The following PCDHGB2 variants were observed in gnomAD, a reference collection of about 807,000 sequenced individuals.
The protein encoded by PCDHGB2 is protocadherin gamma-B2.
In PCDHGB2, 55 loss-of-function variants were observed where a neutral mutation model predicts 59.3. The observed-to-expected ratio is 0.93, with a 90% CI of 0.75 to 1.16. The LOEUF (loss-of-function observed/expected upper bound fraction) is 1.16. PCDHGB2 is among the 50% of genes most tolerant of loss of function. The pLI, the probability that PCDHGB2 is intolerant of heterozygous loss-of-function variation, is 0.00. For missense variants in PCDHGB2, 1,228 were observed against 1,198.5 expected (o/e 1.02, Z -0.36); for synonymous variants, 516 against 512.0 (o/e 1.01, Z -0.11).
At chr5:141,504,643 G>A (rs1049421626) in intron 2 of PCDHGB2, among the ~76,000 whole-genome samples, 3 of 124,276 alleles carry the variant, frequency 2.4e-5, no homozygotes, top group African/African-American at 9.0e-5. Flanking sequence ...AAGGTTTGAT[G>A]ATAGAGTGTT....
chr5:141,369,925 G>C (rs376465013), intron 1 of PCDHGB2, among the ~76,000 whole-genome samples: 2 of 152,186 alleles, frequency 1.3e-5, no homozygotes, highest in African/African-American at 2.4e-5. Flanking sequence ...AACTAAAAAC[G>C]TGACGGGATT....
rs1317111249 is a variant in PCDHGB2, at chr5:141,413,333, C to A, written c.2421+50777C>A. 3.1e-6 allele frequency: 5 copies of A among 1,613,966 alleles called. No individual in the cohort carries two copies. The Admixed American group carries it at 6.7e-5, about 22-fold the overall frequency. On this transcript the variant is annotated intron_variant, in intron 1 of 3. Coordinates refer to ENST00000522605, the MANE Select transcript of PCDHGB2 (RefSeq NM_018923.3). ...AAAGGCTCTTTCGTGGGCAACATCTCCAAGGACTTGGGTCTGGCGCCCCGG... is the reference window on the plus strand; with the variant it reads ...AAAGGCTCTTTCGTGGGCAACATCTACAAGGACTTGGGTCTGGCGCCCCGG...
rs2099402935 is a variant in PCDHGB2, at chr5:141,476,991, G to A, written c.2422-17816G>A. On this transcript the variant is annotated intron_variant, in intron 1 of 3. Transcript: ENST00000522605. The surrounding 1 kb of genome is among the most constrained non-coding windows in gnomAD (Gnocchi z 7.6). ...GGCAGCCACAACCGCGCCGGCGTGC[G>A]GCAACTATTCGCCTTAGACCTTGTA... 4 of 1,614,094 alleles carry A rather than the reference G, an allele frequency of 2.5e-6. No homozygotes were observed. Among genetic ancestry groups the A allele is most frequent in the Non-Finnish European group, 3.4e-6 (4 of 1,180,056 alleles).
intron 1 of PCDHGB2, among the ~76,000 whole-genome samples, chr5:141,386,678 G>A (rs1376452903): frequency 6.6e-6 from 1 of 152,012 alleles, no homozygotes; most frequent in African/African-American, 2.4e-5. Flanking sequence ...CATTTCAGAT[G>A]TACAATCACT....
chr5:141,362,408 C>T lies in PCDHGB2; in HGVS notation c.2273C>T (p.Ser758Leu), dbSNP rs756452261. ...TATTCCTACAACCTGTGTGTTGCCT[C>T]ACAATCAGCCAAGACAGAGTTCAAT... ...LPYSYNLCVA[S>L]QSAKTEFNFL... The change falls in exon 1 of 4, where the codon TCA (serine) becomes TTA (leucine). Residue 758 changes from serine to leucine, a missense_variant. This residue lies in a region of PCDHGB2 where 433 missense variants were observed against 441.8 expected (regional missense o/e 0.98). Transcript: ENST00000522605. The T allele has an allele frequency of 1.2e-4, 193 of 1,613,924 alleles. 1 individual carries two copies. The Admixed American group carries it at 3.2e-3, about 27-fold the overall frequency.
Position 141,418,952 on chromosome 5 carries a change from G to C in PCDHGB2, c.2421+56396G>C, listed in dbSNP as rs1377467334. On this transcript the variant is annotated intron_variant, in intron 1 of 3. Coordinates refer to ENST00000522605, the MANE Select transcript of PCDHGB2 (RefSeq NM_018923.3). ...TATGGAGGATTCCCCTCCAGGAGTG[G>C]TTGTTGCCCTCTTCAAAACACGGGA... 4.3e-6 allele frequency: 7 copies of C among 1,613,932 alleles called. No individual in the cohort carries two copies. Among genetic ancestry groups the C allele is most frequent in the Non-Finnish European group, 5.9e-6 (7 of 1,179,908 alleles).
rs758172625 is a variant in PCDHGB2 at position 141,365,486 on chromosome 5, A to G, written c.2421+2930A>G. The G allele has an allele frequency of 3.7e-6, 6 of 1,613,992 alleles. No individual in the cohort carries two copies. The East Asian group carries it at 8.9e-5, about 24-fold the overall frequency. On this transcript the variant is annotated intron_variant, in intron 1 of 3. Coordinates refer to ENST00000522605, the MANE Select transcript of PCDHGB2 (RefSeq NM_018923.3). ...AGAAAATGGTGAGATTGCATGCTCT[A>G]TTCCTAGGAATTTGCCTTTTAAATT...
In PCDHGB2 at chr5:141,431,357, C is replaced by G. The variant is rs762220618; in HGVS notation, c.2422-63450C>G. 1.9e-5 allele frequency: 31 copies of G among 1,613,926 alleles called. No homozygotes were observed. Among genetic ancestry groups the G allele is most frequent in the Non-Finnish European group, 2.2e-5 (26 of 1,180,046 alleles). On this transcript the variant is annotated intron_variant, in intron 1 of 3. Coordinates refer to ENST00000522605, the MANE Select transcript of PCDHGB2 (RefSeq NM_018923.3). The surrounding 1 kb of genome is among the most constrained non-coding windows in gnomAD (Gnocchi z 4.8). ...CCCCGAATTGGTGCTGAAACGCGCC[C>G]TGGACCGCGAAGAAAAGGCTGCTCA...
intron 1 of PCDHGB2, chr5:141,430,951 C>T (rs200771871): frequency 3.2e-5 from 51 of 1,610,496 alleles, no homozygotes; most frequent in African/African-American, 1.5e-4. Context: ...AGCGCGGAGT[C>T]CGCATCATCC....
Position 141,400,219 on chromosome 5 carries a change from C to T in PCDHGB2, c.2421+37663C>T, listed in dbSNP as rs1200450595. On this transcript the variant is annotated intron_variant, in intron 1 of 3. Coordinates refer to ENST00000522605, the MANE Select transcript of PCDHGB2 (RefSeq NM_018923.3). ...GGTGGCCTTGGCCTTGATCTCAGTG[C>T]TCTTCCTCCTGGCCGTGATTCTGGC... The T allele has an allele frequency of 1.9e-6, 3 of 1,613,934 alleles. No homozygotes were observed. Among genetic ancestry groups the T allele is most frequent in the African/African-American group, 1.3e-5 (1 of 74,930 alleles).
chr5:141,399,311 A>G, intron 1 of PCDHGB2: 1 of 1,613,970 alleles, frequency 6.2e-7, no homozygotes, highest in Non-Finnish European at 8.5e-7. Flanking sequence ...TCTTCATCCA[A>G]AAATTCGTAT....
chr5:141,418,105 G>A lies in PCDHGB2; in HGVS notation c.2421+55549G>A, dbSNP rs971913143. On this transcript the variant is annotated intron_variant, in intron 1 of 3. Transcript: ENST00000522605. ...ACTTCAGCGTAGACGCGCAGAGCGG[G>A]GACTTACTTGTGAAGGACCGAATAG... 5 of 1,614,062 alleles carry A rather than the reference G, an allele frequency of 3.1e-6. No homozygotes were observed. The East Asian group carries it at 8.9e-5, about 29-fold the overall frequency.
intron 1 of PCDHGB2, among the ~76,000 whole-genome samples, chr5:141,452,401 G>C (rs2098740635): frequency 6.6e-6 from 1 of 152,134 alleles, no homozygotes. Flanking sequence ...CTAAGATCTG[G>C]GTGTGAGGTA....
At chr5:141,383,956 A>T in intron 1 of PCDHGB2, 2 of 1,613,670 alleles carry the variant, frequency 1.2e-6, no homozygotes, top group South Asian at 1.1e-5. Flanking sequence ...GACGTCTTTA[A>T]GTAGCTCAAT....
intron 1 of PCDHGB2, among the ~76,000 whole-genome samples, chr5:141,426,066 A>T (rs1488003387): frequency 6.6e-6 from 1 of 152,196 alleles, no homozygotes; most frequent in Admixed American, 6.5e-5. Context: ...CAAGAACTGG[A>T]GCCTGGGATC....
Position 141,487,003 on chromosome 5 carries a change from C to T in PCDHGB2, c.2422-7804C>T. The stretch of plus-strand genomic sequence containing the variant: ...ACAATGCTTGGGTTTCCTATCAGCT[C>T]CTGGAGGCCCCAGATCCCAGCCTGT... On this transcript the variant is annotated intron_variant, in intron 1 of 3. Transcript: ENST00000522605. The surrounding 1 kb of genome is among the most constrained non-coding windows in gnomAD (Gnocchi z 5.0). 1 of 1,614,228 alleles carries T rather than the reference C, an allele frequency of 6.2e-7. No homozygotes were observed.
At chr5:141,455,686 G>A (rs1282071031) in intron 1 of PCDHGB2, among the ~76,000 whole-genome samples, 1 of 152,094 alleles carries the variant, frequency 6.6e-6, no homozygotes. Context: ...AAGGCTGTGG[G>A]AATCGCCAAG....
intron 1 of PCDHGB2, chr5:141,372,888 T>C: frequency 8.5e-7 from 1 of 1,177,756 alleles, no homozygotes; most frequent in South Asian, 1.6e-5. Context: ...AGAATACAGA[T>C]TAAATATTCC....
At position 141,431,174 on chromosome 5, in the gene PCDHGB2, G is replaced by C. The variant is rs568632160; in HGVS notation, c.2422-63633G>C. 6.2e-7 allele frequency: 1 copy of C among 1,614,224 alleles called. No individual in the cohort carries two copies. The highest frequency in any genetic ancestry group is 1.1e-5 in the South Asian group (1 of 91,088). ...GCCTTACTTTCGTGAAAGTGAATTA[G>C]AAATAAAAATTAGTGAAAATGCAGC... is the stretch of plus-strand genomic sequence containing the variant. On this transcript the variant is annotated intron_variant, in intron 1 of 3. Coordinates refer to ENST00000522605, the MANE Select transcript of PCDHGB2 (RefSeq NM_018923.3). This position sits in a 1 kb window ranked among gnomAD's most constrained non-coding sequence, Gnocchi z 4.8.
Sources: allele counts gnomAD v4.1 joint callset (sites outside exome capture counted in the v4.1 genomes callset), GRCh38; gene constraint gnomAD v4.1.1; regional missense constraint gnomAD v4.1.1; non-coding constraint Gnocchi (gnomAD v3.1); transcripts MANE v1.5; gene names NCBI Gene and HGNC (gene_info 2026-07-23, HGNC 2026-07-21).